Variants in LCK observed in about 807,000 individuals in gnomAD.
The protein encoded by LCK is LCK proto-oncogene, Src family tyrosine kinase, also known as tyrosine-protein kinase Lck.
Under a neutral mutation model 64.6 loss-of-function variants are expected in LCK, and 14 were observed. The observed-to-expected ratio is 0.22, with a 90% confidence interval of 0.14 to 0.34. The LOEUF (loss-of-function observed/expected upper bound fraction) is 0.34, where lower values mean the gene tolerates loss of function less well. LCK is among the 10% of genes least tolerant of loss of function. The pLI is 1.00. For missense variants in LCK, 434 were observed against 668.1 expected, an observed-to-expected ratio of 0.65 and a Z score of 3.86; for synonymous variants, 277 against 263.6, an observed-to-expected ratio of 1.05 and a Z score of -0.49.
chr1:32,283,563 C>T (rs1640525225), intron 12 of LCK, among the ~76,000 whole-genome samples: 1 of 152,130 alleles, frequency 6.6e-6, no homozygotes, highest in Admixed American at 6.6e-5. Flanking sequence ...TCATGTAGTT[C>T]TCCAGAGCAG....
chr1:32,279,442 T>C, intron 9 of LCK: 1 of 655,336 alleles, frequency 1.5e-6, no homozygotes, highest in Non-Finnish European at 2.6e-6. Flanking sequence ...ACCTTATTGG[T>C]GATGAAAAAC....
intron 1 of LCK, among the ~76,000 whole-genome samples, chr1:32,260,767 G>A (rs867591183): frequency 2.7e-5 from 4 of 150,226 alleles, no homozygotes; most frequent in Middle Eastern, 7.5e-3. Flanking sequence ...GACTACAGGC[G>A]TGCACCACCA....
chr1:32,281,469 A>AAAAAAG (rs887309727), intron 12 of LCK, among the ~76,000 whole-genome samples: 34 of 151,508 alleles, frequency 2.2e-4, no homozygotes, highest in South Asian at 6.2e-4. Context: ...CAAAAAAAAA[A>AAAAAAG]AAAAAGAAAA....
intron 12 of LCK, among the ~76,000 whole-genome samples, chr1:32,284,295 G>T (rs948658280): frequency 1.2e-4 from 18 of 145,928 alleles, no homozygotes; most frequent in African/African-American, 4.5e-4. Flanking sequence ...ATATCTGTGA[G>T]ATATATATAT....
intron 1 of LCK, among the ~76,000 whole-genome samples, chr1:32,270,215 G>T (rs1200492534): frequency 6.8e-6 from 1 of 147,132 alleles, no homozygotes; most frequent in Non-Finnish European, 1.5e-5. Context: ...CACCTCTTGA[G>T]TTCAAGCAAT....
chr1:32,266,347 AAAT>A lies in LCK; in HGVS notation c.-5-7976_-5-7974del, dbSNP rs1207698994. On this transcript the variant is annotated intron_variant, in intron 1 of 12. Transcript: ENST00000336890. ...CTCTACTAAAAATACAAAAAAAAAA[AAAT>A]AGCCGGGCACAGTGGCGGGCGCCGG... Among the ~76,000 whole-genome samples the A allele has an allele frequency of 2.6e-5, 4 of 151,254 alleles. No homozygotes were observed. The East Asian group carries it at 7.8e-4, about 29-fold the overall frequency.
intron 1 of LCK, among the ~76,000 whole-genome samples, chr1:32,267,688 G>A (rs1345058656): frequency 6.6e-6 from 1 of 151,990 alleles, no homozygotes. Flanking sequence ...CTGAGGTCGA[G>A]AGATTGAGAC....
chr1:32,279,593 A>C (rs754539342), intron 9 of LCK, 78 bp from the exon 10 acceptor site: 20 of 1,610,164 alleles, frequency 1.2e-5, no homozygotes, highest in Non-Finnish European at 1.7e-5. Flanking sequence ...ACACTTCTAG[A>C]CTCCCAGTTG....
rs562468624 is a variant in LCK, at chr1:32,282,964, G to A, written c.1328-2550G>A. 4.6e-5 allele frequency among the ~76,000 whole-genome samples: 7 copies of A among 151,958 alleles called. No individual in the cohort carries two copies. In the South Asian group the frequency reaches 1.0e-3, roughly 23 times the overall value. ...ACTCTGGCCATGGGTGTTTAGTTCC[G>A]TGGCCTATGTCCTCCTATGCCCCAG... On this transcript the variant is annotated intron_variant, in intron 12 of 12. Coordinates refer to ENST00000336890, the MANE Select transcript of LCK (RefSeq NM_005356.5).
At chr1:32,270,692 C>G (rs796332117) in intron 1 of LCK, among the ~76,000 whole-genome samples, 1 of 96,794 alleles carries the variant, frequency 1.0e-5, no homozygotes, top group Non-Finnish European at 2.0e-5. Flanking sequence ...CGTGCCCGGA[C>G]TTTTTTTTTT....
At position 32,276,610 on chromosome 1, in the gene LCK, A is replaced by T. The variant is rs748878726; in HGVS notation, c.788A>T (p.Tyr263Phe). ...CTCCTTCCCTTCCCCGACCCAGGGT[A>T]CTACAACGGGCACACGAAGGTGGCG... ...AGQFGEVWMG[Y>F]YNGHTKVAVK... is the part of the protein sequence containing the mutation. Residue 263 changes from tyrosine to phenylalanine, a missense_variant, in exon 9 of 13, where the codon TAC (tyrosine) becomes TTC (phenylalanine). Physicochemically the swap from Tyr to Phe is conservative, Grantham distance 22. Around this residue, in one of 2 missense-constraint regions of LCK, gnomAD observed 201 missense variants for 376.9 expected, o/e 0.53. Coordinates refer to ENST00000336890, the MANE Select transcript of LCK (RefSeq NM_005356.5). This position sits in a 1 kb window ranked among gnomAD's most constrained non-coding sequence, Gnocchi z 4.6. 1 of 1,610,544 alleles carries T rather than the reference A, an allele frequency of 6.2e-7. No individual in the cohort carries two copies. The highest frequency in any genetic ancestry group is 8.5e-7 in the Non-Finnish European group (1 of 1,177,912).
intron 1 of LCK, among the ~76,000 whole-genome samples, chr1:32,270,692 C>CTTT (rs34689678): frequency 4.1e-5 from 4 of 96,794 alleles, no homozygotes; most frequent in Non-Finnish European, 6.1e-5. Context: ...CGTGCCCGGA[C>CTTT]TTTTTTTTTT....
At chr1:32,256,275 C>G (rs1639630820) in intron 1 of LCK, among the ~76,000 whole-genome samples, 1 of 151,744 alleles carries the variant, frequency 6.6e-6, no homozygotes, top group East Asian at 2.0e-4. Flanking sequence ...GTAGCTGGGA[C>G]TATAGGCACA....
At position 32,285,566 on chromosome 1, in the gene LCK, G is replaced by A; in HGVS notation, c.1380G>A (p.Val460=). The A allele has an allele frequency of 1.2e-6, 2 of 1,614,234 alleles. No individual in the cohort carries two copies. The highest frequency in any genetic ancestry group is 1.7e-6 in the Non-Finnish European group (2 of 1,180,042). The change falls in exon 13 of 13, where the codon GTG becomes GTA. Residue 460 remains valine, a synonymous_variant. Coordinates refer to ENST00000336890, the MANE Select transcript of LCK (RefSeq NM_005356.5). ...ACCTGGAGCGAGGCTACCGCATGGT[G>A]CGCCCTGACAACTGTCCAGAGGAGC... ...IQNLERGYRM[V]RPDNCPEELY... is the part of the protein sequence containing the mutation.
intron 1 of LCK, among the ~76,000 whole-genome samples, chr1:32,267,321 T>C (rs1253397805): frequency 3.3e-5 from 5 of 152,180 alleles, no homozygotes; most frequent in Non-Finnish European, 7.3e-5. Flanking sequence ...GATTTAAAAT[T>C]CCATGCACAT....
chr1:32,283,336 G>T (rs1377448863), intron 12 of LCK, among the ~76,000 whole-genome samples: 2 of 151,546 alleles, frequency 1.3e-5, no homozygotes, highest in African/African-American at 2.4e-5. Context: ...ATAGGCAGAG[G>T]CTCCCTTGTA....
Position 32,274,351 on chromosome 1 carries a change from C to A in LCK, c.22C>A (p.His8Asn), listed in dbSNP as rs763977216. Residue 8 changes from histidine (H) to asparagine (N), a missense_variant, in exon 2 of 13, where the codon CAC (histidine) becomes AAC (asparagine). This residue lies in a region of LCK where 233 missense variants were observed against 291.2 expected (regional missense o/e 0.80). Coordinates refer to ENST00000336890, the MANE Select transcript of LCK (RefSeq NM_005356.5). ...GACCATGGGCTGTGGCTGCAGCTCA[C>A]ACCCGGAAGATGACTGGATGGAAAA... MGCGCSS[H>N]PEDDWMENID... 6.2e-7 allele frequency: 1 copy of A among 1,614,164 alleles called. No homozygotes were observed. The highest frequency in any genetic ancestry group is 1.1e-5 in the South Asian group (1 of 91,088).
chr1:32,285,755 C>A lies in LCK; in HGVS notation c.*39C>A. 1 of 1,550,374 alleles carries A rather than the reference C, an allele frequency of 6.5e-7. No homozygotes were observed. The highest frequency in any genetic ancestry group is 8.7e-7 in the Non-Finnish European group (1 of 1,145,434). On this transcript the variant is annotated 3_prime_UTR_variant, in exon 13 of 13. Coordinates refer to ENST00000336890, the MANE Select transcript of LCK (RefSeq NM_005356.5). ...GCCCTGGGGTTCTCCCCCTTTCTCT[C>A]CAGCCTGACTTGGGGAGATGGAGTT...
Position 32,274,447 on chromosome 1 carries a change from A to G in LCK, c.105+13A>G, listed in dbSNP as rs1173795166. The G allele has an allele frequency of 6.2e-7, 1 of 1,600,840 alleles. No individual in the cohort carries two copies. Among genetic ancestry groups the G allele is most frequent in the African/African-American group, 1.3e-5 (1 of 74,666 alleles). On this transcript the variant is annotated intron_variant, in intron 2 of 12. Coordinates refer to ENST00000336890, the MANE Select transcript of LCK (RefSeq NM_005356.5). ...TGGCAAGGGCACGGTAAGAGGCGAG[A>G]CAGGGGCCTTGGTGAGGGAGTTGGG... is the stretch of plus-strand genomic sequence containing the variant.
Sources: gnomAD v4.1 joint callset for allele counts (sites outside exome capture counted in the v4.1 genomes callset) on GRCh38, gnomAD v4.1.1 for gene constraint, gnomAD v4.1.1 regional missense constraint, Gnocchi (gnomAD v3.1) non-coding constraint, MANE v1.5 for transcripts, NCBI Gene and HGNC (gene_info 2026-07-23, HGNC 2026-07-21) for gene names.